The following NAV1 variants were observed in gnomAD, a reference collection of about 807,000 sequenced individuals.
NAV1 encodes the protein neuron navigator 1.
Under a neutral mutation model 175.2 loss-of-function variants are expected in NAV1, and 18 were observed. The observed-to-expected ratio is 0.10, with a 90% CI of 0.07 to 0.15. The LOEUF (loss-of-function observed/expected upper bound fraction) is 0.15, where lower values mean the gene tolerates loss of function less well. Among genes scored for constraint, NAV1 ranks in the 10% least tolerant of loss-of-function variants. The pLI, the probability that NAV1 is intolerant of heterozygous loss-of-function variation, is 1.00. For missense variants in NAV1, 1,731 were observed against 2,436.6 expected (o/e 0.71, Z 6.10); for synonymous variants, 897 against 978.7 (o/e 0.92, Z 1.56).
intron 1 of NAV1, among the ~76,000 whole-genome samples, chr1:201,571,129 G>A (rs1320577524): frequency 6.6e-6 from 1 of 152,208 alleles, no homozygotes; most frequent in Admixed American, 6.5e-5. Context: ...GAGCTGTGTG[G>A]ACTCGCAGGC....
At chr1:201,701,189 A>T (rs1311834316) in intron 1 of NAV1, among the ~76,000 whole-genome samples, 1 of 148,428 alleles carries the variant, frequency 6.7e-6, no homozygotes, top group African/African-American at 2.5e-5. Flanking sequence ...GCATGTTCTC[A>T]CTCATAGGTG....
chr1:201,617,277 A>C (rs1668032916), intron 2 of NAV1, among the ~76,000 whole-genome samples: 1 of 151,986 alleles, frequency 6.6e-6, no homozygotes, highest in South Asian at 2.1e-4. Flanking sequence ...ACACACACAC[A>C]CACTCCCATA....
intron 2 of NAV1, among the ~76,000 whole-genome samples, chr1:201,637,564 T>G (rs1359339257): frequency 6.6e-6 from 1 of 152,144 alleles, no homozygotes; most frequent in Non-Finnish European, 1.5e-5. Flanking sequence ...TTAAGAGGAT[T>G]TATTACAGAG....
intron 1 of NAV1, among the ~76,000 whole-genome samples, chr1:201,681,264 C>T (rs1241272780): frequency 1.3e-5 from 2 of 152,198 alleles, no homozygotes; most frequent in Non-Finnish European, 1.5e-5. Context: ...GCCAGCATTT[C>T]CCTGAGGGAA....
intron 3 of NAV1, among the ~76,000 whole-genome samples, chr1:201,747,929 C>T (rs955962559): frequency 7.2e-5 from 11 of 152,174 alleles, no homozygotes; most frequent in African/African-American, 2.7e-4. Flanking sequence ...TTCCAGAACC[C>T]AGAGCTCCTT....
chr1:201,715,896 G>C (rs947687245), intron 2 of NAV1, among the ~76,000 whole-genome samples: 1 of 152,164 alleles, frequency 6.6e-6, no homozygotes, highest in Non-Finnish European at 1.5e-5. Flanking sequence ...GTCCTCCCCA[G>C]AGAAAGGCAA....
At chr1:201,563,252 G>A (rs73082572) in intron 1 of NAV1, among the ~76,000 whole-genome samples, 1 of 152,270 alleles carries the variant, frequency 6.6e-6, no homozygotes, top group Non-Finnish European at 1.5e-5. Context: ...TTTGTCCTCA[G>A]GAAACAGCCC....
chr1:201,648,501 T>C (rs1448332800), exon 1 of NAV1: 54 of 1,228,598 alleles, frequency 4.4e-5, no homozygotes, highest in Non-Finnish European at 5.5e-5. Flanking sequence ...CTTGCCTCTC[T>C]CCCTCCTCCC....
chr1:201,631,655 C>T (rs1048453599), intron 2 of NAV1, among the ~76,000 whole-genome samples: 3 of 152,270 alleles, frequency 2.0e-5, no homozygotes, highest in African/African-American at 7.2e-5. Context: ...GTCCTGCCTC[C>T]CTCGCTAGGC....
At chr1:201,803,797 G>C in intron 16 of NAV1, 83 bp downstream of exon 20, 1 of 1,532,128 alleles carries the variant, frequency 6.5e-7, no homozygotes, top group Non-Finnish European at 8.8e-7. Context: ...AATCCTTCCA[G>C]GATTAACCAA....
At chr1:201,559,087 C>T (rs1666120675) in intron 1 of NAV1, among the ~76,000 whole-genome samples, 1 of 152,078 alleles carries the variant, frequency 6.6e-6, no homozygotes, top group Non-Finnish European at 1.5e-5. Context: ...CATTGGATAA[C>T]CTTGTTCACA....
chr1:201,692,622 G>A (rs1671002397), intron 1 of NAV1, among the ~76,000 whole-genome samples: 1 of 152,224 alleles, frequency 6.6e-6, no homozygotes, highest in South Asian at 2.1e-4. Context: ...GGAGCACTGA[G>A]GCTGAGATAT....
chr1:201,753,484 TG>T (rs1468486357), intron 3 of NAV1, among the ~76,000 whole-genome samples: 1 of 152,202 alleles, frequency 6.6e-6, no homozygotes, highest in Non-Finnish European at 1.5e-5. Context: ...AAGAATGTAT[TG>T]TGTATCTTTC....
chr1:201,604,831 C>T (rs1667631107), intron 2 of NAV1, among the ~76,000 whole-genome samples: 1 of 152,058 alleles, frequency 6.6e-6, no homozygotes, highest in Non-Finnish European at 1.5e-5. Flanking sequence ...AGAAATTATA[C>T]CACTTGACTG....
At chr1:201,573,454 C>T (rs887765560) in intron 1 of NAV1, among the ~76,000 whole-genome samples, 1 of 152,090 alleles carries the variant, frequency 6.6e-6, no homozygotes, top group African/African-American at 2.4e-5. Context: ...CCAGGTAAAC[C>T]CTCAGGGAGC....
intron 7 of NAV1, among the ~76,000 whole-genome samples, chr1:201,784,304 C>G (rs115700948): frequency 0.014 from 2,165 of 152,194 alleles, 28 homozygotes; most frequent in Non-Finnish European, 0.02. Context: ...ATTACAGGCA[C>G]TTGCCACCAT....
At chr1:201,705,770 G>A (rs1430068000) in intron 1 of NAV1, among the ~76,000 whole-genome samples, 1 of 152,172 alleles carries the variant, frequency 6.6e-6, no homozygotes, top group Non-Finnish European at 1.5e-5. Context: ...GCGAAGAAAA[G>A]GATAGAGAGA....
At chr1:201,592,387 C>T (rs148349734) in intron 2 of NAV1, among the ~76,000 whole-genome samples, 1 of 152,302 alleles carries the variant, frequency 6.6e-6, no homozygotes, top group Non-Finnish European at 1.5e-5. Flanking sequence ...AGAACTCCAT[C>T]ACCCACAGGC....
exon 30 of NAV1, chr1:201,821,505 G>GACACACACACACACACACACACACAC (rs57007517): frequency 6.9e-6 from 1 of 144,562 alleles, no homozygotes; most frequent in East Asian, 2.2e-4. Context: ...GGTTAAAACA[G>GACACACACACACACACACACACACAC]ACACACACAC....
Sources: gnomAD v4.1 joint callset for allele counts (sites outside exome capture counted in the v4.1 genomes callset) on GRCh38, gnomAD v4.1.1 for gene constraint, MANE v1.5 for transcripts, NCBI Gene and HGNC (gene_info 2026-07-23, HGNC 2026-07-21) for gene names.